The following DERA variants were observed in gnomAD, a reference collection of about 807,000 sequenced individuals.
DERA encodes 2-deoxy-D-ribose 5-phosphate aldolase.
Under a neutral mutation model 41.1 loss-of-function variants are expected in DERA, and 15 were observed. The ratio of observed to expected loss-of-function variants is 0.37; its 90% CI spans 0.24 to 0.56. The LOEUF (loss-of-function observed/expected upper bound fraction) is 0.56. Among genes scored for constraint, DERA ranks in the 20% least tolerant of loss-of-function variants. The pLI is 0.81. For synonymous variants in DERA, 139 were observed against 137.4 expected, an observed-to-expected ratio of 1.01 and a Z score of -0.08; for missense variants, 396 against 403.4, an observed-to-expected ratio of 0.98 and a Z score of 0.16.
rs1270951750 is a variant in DERA, at chr12:15,941,418, T to A, written c.32-15518T>A. Among the ~76,000 whole-genome samples, 1 of 152,208 alleles carries A rather than the reference T, an allele frequency of 6.6e-6. No individual in the cohort carries two copies. The highest frequency in any genetic ancestry group is 1.5e-5 in the Non-Finnish European group (1 of 68,036). ...ATAGTTTTTGAGGTACAGGTGGTTT[T>A]GGATTACATGGTTAAGTTCTTTAGT... On this transcript the variant is annotated intron_variant, in intron 1 of 8. Coordinates refer to ENST00000428559, the MANE Select transcript of DERA (RefSeq NM_015954.4). The surrounding 1 kb of genome is among the most constrained non-coding windows in gnomAD (Gnocchi z 4.5).
intron 6 of DERA, among the ~76,000 whole-genome samples, chr12:16,023,549 C>G (rs1192783610): frequency 7.1e-6 from 1 of 141,776 alleles, no homozygotes; most frequent in Non-Finnish European, 1.5e-5. Flanking sequence ...GGGATCTCGG[C>G]TCACTGCAAG....
At chr12:15,923,301 C>T (rs1183184031) in intron 1 of DERA, among the ~76,000 whole-genome samples, 4 of 152,064 alleles carry the variant, frequency 2.6e-5, no homozygotes, top group Non-Finnish European at 2.9e-5. Flanking sequence ...GGATTACAGG[C>T]GTGAGCCACC....
rs1176261126 is a variant in DERA, at chr12:16,035,557, T to G, written c.751-675T>G. ...ATCAGATATTGGCTGAATTCAGCTG[T>G]GTTATGATCAACCTTAAAGACTACT... On this transcript the variant is annotated intron_variant, in intron 7 of 8. Coordinates refer to ENST00000428559, the MANE Select transcript of DERA (RefSeq NM_015954.4). The surrounding 1 kb of genome is among the most constrained non-coding windows in gnomAD (Gnocchi z 4.1). Among the ~76,000 whole-genome samples the G allele has an allele frequency of 2.6e-5, 4 of 152,322 alleles. No homozygotes were observed. Among genetic ancestry groups the G allele is most frequent in the African/African-American group, 9.6e-5 (4 of 41,576 alleles).
intron 1 of DERA, among the ~76,000 whole-genome samples, chr12:15,926,320 C>T (rs922059956): frequency 2.6e-5 from 4 of 152,180 alleles, no homozygotes; most frequent in African/African-American, 9.7e-5. Context: ...TGCCACTGCT[C>T]TTGGCTCACT....
At position 16,004,589 on chromosome 12, in the gene DERA, A is replaced by T. The variant is rs1440854420; in HGVS notation, c.637+22153A>T. On this transcript the variant is annotated intron_variant, in intron 6 of 8. Coordinates refer to ENST00000428559, the MANE Select transcript of DERA (RefSeq NM_015954.4). The surrounding 1 kb of genome is among the most constrained non-coding windows in gnomAD (Gnocchi z 4.2). ...GACTAACCACCTTTCTAAATGTTTA[A>T]TAGTAGTCATATTAACTTATTAAAT... Among the ~76,000 whole-genome samples, 1 of 152,184 alleles carries T rather than the reference A, an allele frequency of 6.6e-6. No individual in the cohort carries two copies. Among genetic ancestry groups the T allele is most frequent in the Non-Finnish European group, 1.5e-5 (1 of 68,032 alleles).
At chr12:16,024,904 A>G (rs966610923) in intron 6 of DERA, among the ~76,000 whole-genome samples, 3 of 152,186 alleles carry the variant, frequency 2.0e-5, no homozygotes, top group Non-Finnish European at 2.9e-5. Context: ...AGGTAAGCTG[A>G]AATGAATGAC....
intron 1 of DERA, among the ~76,000 whole-genome samples, chr12:15,944,281 C>T (rs1222773152): frequency 6.6e-6 from 1 of 152,124 alleles, no homozygotes; most frequent in Non-Finnish European, 1.5e-5. Context: ...ATTTCTAGTT[C>T]TAGATCCTTG....
chr12:15,943,353 AC>A lies in DERA; in HGVS notation c.32-13582del, dbSNP rs2136137412. On this transcript the variant is annotated intron_variant, in intron 1 of 8. Coordinates refer to ENST00000428559, the MANE Select transcript of DERA (RefSeq NM_015954.4). This position sits in a 1 kb window ranked among gnomAD's most constrained non-coding sequence, Gnocchi z 4.5. ...ACTGTATTCCTTTTAGTGATTTGGT[AC>A]AGGCCACCACCTGCTCTTGCTTGAG... Among the ~76,000 whole-genome samples the A allele has an allele frequency of 6.6e-6, 1 of 152,324 alleles. No homozygotes were observed. The highest frequency in any genetic ancestry group is 1.9e-4 in the East Asian group (1 of 5,188).
chr12:16,032,880 T>C, intron 7 of DERA: 1 of 458,832 alleles, frequency 2.2e-6, no homozygotes, highest in Non-Finnish European at 3.9e-6. Context: ...GTGATCAAGA[T>C]GTAAACTCAC....
Position 15,931,573 on chromosome 12 carries a change from A to G in DERA, c.31+20159A>G, listed in dbSNP as rs1011599261. 6.6e-6 allele frequency among the ~76,000 whole-genome samples: 1 copy of G among 152,210 alleles called. No individual in the cohort carries two copies. Among genetic ancestry groups the G allele is most frequent in the African/African-American group, 2.4e-5 (1 of 41,450 alleles). ...TGAAAAACTACATGTTTGGAAATCT[A>G]AATGTGCTTTATTAAGTCTTTTATG... On this transcript the variant is annotated intron_variant, in intron 1 of 8. Coordinates refer to ENST00000428559, the MANE Select transcript of DERA (RefSeq NM_015954.4). This position sits in a 1 kb window ranked among gnomAD's most constrained non-coding sequence, Gnocchi z 4.6.
At chr12:15,955,191 T>A (rs1438419866) in intron 1 of DERA, among the ~76,000 whole-genome samples, 1 of 151,986 alleles carries the variant, frequency 6.6e-6, no homozygotes, top group Non-Finnish European at 1.5e-5. Context: ...CCCTGGCTCC[T>A]TGGGAGGCTG....
At position 15,941,653 on chromosome 12, in the gene DERA, A is replaced by G. The variant is rs573888549; in HGVS notation, c.32-15283A>G. On this transcript the variant is annotated intron_variant, in intron 1 of 8. Transcript: ENST00000428559. The surrounding 1 kb of genome is among the most constrained non-coding windows in gnomAD (Gnocchi z 4.5). Reference sequence around the variant, plus strand: ...TGGTTTTCCATTCCTGAGTTACTTCACTTAGAACTGTGGCCTCCAGCTCCA... The same window carrying G: ...TGGTTTTCCATTCCTGAGTTACTTCGCTTAGAACTGTGGCCTCCAGCTCCA... 1.8e-4 allele frequency among the ~76,000 whole-genome samples: 28 copies of G among 152,226 alleles called. No individual in the cohort carries two copies. Among genetic ancestry groups the G allele is most frequent in the African/African-American group, 6.7e-4 (28 of 41,528 alleles).
rs1037526726 is a variant in DERA at position 15,936,012 on chromosome 12, C to T, written c.32-20924C>T. 3.9e-5 allele frequency among the ~76,000 whole-genome samples: 6 copies of T among 152,328 alleles called. No individual in the cohort carries two copies. The highest frequency in any genetic ancestry group is 7.3e-5 in the Non-Finnish European group (5 of 68,036). The stretch of plus-strand genomic sequence containing the variant: ...AAGCCTCAGCCCTTTACCATGTGAA[C>T]ACCCTCTTAGGGTTGCTTGAGTATC... On this transcript the variant is annotated intron_variant, in intron 1 of 8. Transcript: ENST00000428559. This position sits in a 1 kb window ranked among gnomAD's most constrained non-coding sequence, Gnocchi z 4.6.
rs1320505554 is a variant in DERA at position 16,035,882 on chromosome 12, A to G, written c.751-350A>G. Among the ~76,000 whole-genome samples the G allele has an allele frequency of 1.3e-5, 2 of 152,128 alleles. No homozygotes were observed. Among genetic ancestry groups the G allele is most frequent in the Non-Finnish European group, 2.9e-5 (2 of 68,030 alleles). Reference sequence around the variant, plus strand: ...AGAATGAGTGGGCTTTGCTTTTGTGATCTGTTTTCCTATTTATTGACACCT... The same window carrying G: ...AGAATGAGTGGGCTTTGCTTTTGTGGTCTGTTTTCCTATTTATTGACACCT... On this transcript the variant is annotated intron_variant, in intron 7 of 8. Transcript: ENST00000428559. This position sits in a 1 kb window ranked among gnomAD's most constrained non-coding sequence, Gnocchi z 4.1.
intron 1 of DERA, among the ~76,000 whole-genome samples, chr12:15,947,036 T>A (rs1948455997): frequency 6.6e-6 from 1 of 152,232 alleles, no homozygotes; most frequent in South Asian, 2.1e-4. Flanking sequence ...TTGAGCAGTT[T>A]TGAGTGAGTT....
intron 1 of DERA, among the ~76,000 whole-genome samples, chr12:15,947,003 C>G (rs1451763947): frequency 2.6e-5 from 4 of 152,146 alleles, no homozygotes; most frequent in African/African-American, 9.7e-5. Flanking sequence ...TATTCAGGAG[C>G]AGGTTGTTCA....
intron 1 of DERA, among the ~76,000 whole-genome samples, chr12:15,919,734 T>C (rs1948227520): frequency 6.6e-6 from 1 of 152,214 alleles, no homozygotes; most frequent in South Asian, 2.1e-4. Flanking sequence ...CTTCTGGCTC[T>C]CTGTATAGTC....
intron 6 of DERA, among the ~76,000 whole-genome samples, chr12:16,029,419 T>C (rs1045276173): frequency 1.4e-5 from 2 of 142,458 alleles, no homozygotes; most frequent in African/African-American, 5.0e-5. Context: ...AGAGCGAGAC[T>C]CCGTCTCAAA....
chr12:15,919,455 T>C (rs1948225600), intron 1 of DERA, among the ~76,000 whole-genome samples: 1 of 152,190 alleles, frequency 6.6e-6, no homozygotes, highest in African/African-American at 2.4e-5. Flanking sequence ...CTCTGGCCCT[T>C]TTAAAACACT....
Sources: gnomAD v4.1 joint callset for allele counts (sites outside exome capture counted in the v4.1 genomes callset) on GRCh38, gnomAD v4.1.1 for gene constraint, Gnocchi (gnomAD v3.1) non-coding constraint, MANE v1.5 for transcripts, NCBI Gene and HGNC (gene_info 2026-07-23, HGNC 2026-07-21) for gene names.